CLIC5: variants seen among roughly 807,000 people sequenced by gnomAD.
CLIC5 encodes CLIC family member 5.
Under a neutral mutation model 24.7 loss-of-function variants are expected in CLIC5, and 20 were observed. The observed-to-expected ratio is 0.81, with a 90% CI of 0.57 to 1.18. The LOEUF (loss-of-function observed/expected upper bound fraction) is 1.18, where lower values mean the gene tolerates loss of function less well. Ranked by LOEUF, CLIC5 falls within the 50% of genes most tolerant of loss-of-function variation. The pLI, the probability that CLIC5 is intolerant of heterozygous loss-of-function variation, is 0.00. For synonymous variants in CLIC5, 159 were observed against 135.6 expected, an observed-to-expected ratio of 1.17 and a Z score of -1.20; for missense variants, 341 against 326.1, an observed-to-expected ratio of 1.05 and a Z score of -0.35.
intron 1 of CLIC5, among the ~76,000 whole-genome samples, chr6:46,021,088 C>CAAAA (rs61574485): frequency 7.0e-5 from 5 of 71,908 alleles, no homozygotes; most frequent in East Asian, 9.9e-4. Context: ...TTTTACAACT[C>CAAAA]AAAAAAAAAA....
chr6:46,033,119 C>T (rs1429261185), intron 1 of CLIC5, among the ~76,000 whole-genome samples: 3 of 151,106 alleles, frequency 2.0e-5, no homozygotes, highest in Admixed American at 6.6e-5. Context: ...CTCCTGAGTA[C>T]CTGGGACTAC....
chr6:46,074,139 T>A (rs1244706890), intron 1 of CLIC5, among the ~76,000 whole-genome samples: 1 of 152,196 alleles, frequency 6.6e-6, no homozygotes, highest in Admixed American at 6.5e-5. Flanking sequence ...CCACAATATA[T>A]GTATATTTAC....
intron 2 of CLIC5, 24 bp downstream of exon 2, chr6:45,955,111 C>T: frequency 6.4e-7 from 1 of 1,554,006 alleles, no homozygotes; most frequent in South Asian, 1.1e-5. Flanking sequence ...TAAACATACT[C>T]CTCATTTATG....
chr6:45,895,683 C>T (rs369611654), downstream of CLIC5, among the ~76,000 whole-genome samples: 1 of 152,132 alleles, frequency 6.6e-6, no homozygotes, highest in Non-Finnish European at 1.5e-5. Context: ...AGGTGAGGCA[C>T]GGCACAAAAA....
chr6:45,972,736 A>C (rs984689921), intron 1 of CLIC5, among the ~76,000 whole-genome samples: 7 of 152,248 alleles, frequency 4.6e-5, no homozygotes, highest in Non-Finnish European at 8.8e-5. Context: ...GCTGGTCTTC[A>C]GAACCTTTGC....
chr6:45,981,250 T>A (rs986186445), intron 1 of CLIC5, among the ~76,000 whole-genome samples: 1 of 152,072 alleles, frequency 6.6e-6, no homozygotes, highest in African/African-American at 2.4e-5. Flanking sequence ...ATTACAGGCA[T>A]GAGCCACCGC....
chr6:45,886,553 A>G (rs1422121923), intron 6 of CLIC5, among the ~76,000 whole-genome samples: 1 of 152,190 alleles, frequency 6.6e-6, no homozygotes, highest in Non-Finnish European at 1.5e-5. Context: ...GGGCAGGAGA[A>G]TGGGGCGTTT....
the CLIC5 span, among the ~76,000 whole-genome samples, chr6:46,107,130 T>C: frequency 6.6e-6 from 1 of 152,250 alleles, no homozygotes; most frequent in African/African-American, 2.4e-5. Flanking sequence ...TTAAAAGTTA[T>C]TGGTAAAATA....
the CLIC5 span, among the ~76,000 whole-genome samples, chr6:46,126,594 A>T: frequency 6.6e-6 from 1 of 152,360 alleles, no homozygotes; most frequent in South Asian, 2.1e-4. Context: ...AGTTTTCACC[A>T]AAGGAACTTT....
Position 45,958,121 on chromosome 6 carries a change from C to T in CLIC5, c.64-2877G>A, listed in dbSNP as rs1764707014. On this transcript the variant is annotated intron_variant, in intron 1 of 5. Transcript: ENST00000339561. The stretch of plus-strand genomic sequence containing the variant: ...AGGTCATATTGGATTAGAATGGGCT[C>T]TAAACATGACTGATGTCCTTACAAG... Among the ~76,000 whole-genome samples, 5 of 151,968 alleles carry T rather than the reference C, an allele frequency of 3.3e-5. No individual in the cohort carries two copies. The South Asian group carries it at 1.0e-3, about 32-fold the overall frequency.
chr6:46,021,199 T>G, intron 1 of CLIC5, among the ~76,000 whole-genome samples: 1 of 151,948 alleles, frequency 6.6e-6, no homozygotes. Context: ...TGCTCAACGT[T>G]CTTCAGTAGA....
chr6:45,881,049 C>G, exon 7 of CLIC5: 1 of 398,230 alleles, frequency 2.5e-6, no homozygotes, highest in Non-Finnish European at 4.4e-6. Context: ...TGCCTCAAAG[C>G]CAGTACAGAC....
intron 1 of CLIC5, among the ~76,000 whole-genome samples, chr6:46,067,302 T>C (rs1762469756): frequency 1.3e-5 from 2 of 151,824 alleles, no homozygotes; most frequent in South Asian, 4.2e-4. Context: ...GTCTGGTAAA[T>C]TGCCCTTTAA....
chr6:45,973,401 G>T (rs545491671), intron 1 of CLIC5, among the ~76,000 whole-genome samples: 15 of 152,138 alleles, frequency 9.9e-5, no homozygotes, highest in Admixed American at 2.0e-4. Context: ...AAAATAACTC[G>T]CTTGCAGCTA....
At chr6:45,977,469 T>C (rs1765423209) in intron 1 of CLIC5, among the ~76,000 whole-genome samples, 1 of 152,198 alleles carries the variant, frequency 6.6e-6, no homozygotes, top group Non-Finnish European at 1.5e-5. Flanking sequence ...AAAAAATGGA[T>C]ATGATACAAT....
chr6:46,119,282 T>C, the CLIC5 span, among the ~76,000 whole-genome samples: 2 of 152,246 alleles, frequency 1.3e-5, no homozygotes, highest in African/African-American at 4.8e-5. Flanking sequence ...TCCTGACTTC[T>C]TGCAGCTGAA....
At chr6:46,020,159 A>G (rs1481532947), upstream of CLIC5, among the ~76,000 whole-genome samples, 1 of 152,220 alleles carries the variant, frequency 6.6e-6, no homozygotes, top group African/African-American at 2.4e-5. Context: ...AACATTTACC[A>G]AAAGAGATCA....
intron 1 of CLIC5, among the ~76,000 whole-genome samples, chr6:45,978,367 G>A (rs1765455853): frequency 1.3e-5 from 2 of 152,058 alleles, no homozygotes; most frequent in South Asian, 4.2e-4. Flanking sequence ...TGATTCCTGA[G>A]CAGGAATCGT....
chr6:46,107,051 CATAA>C, the CLIC5 span, among the ~76,000 whole-genome samples: 3 of 152,208 alleles, frequency 2.0e-5, no homozygotes, highest in African/African-American at 7.2e-5. Context: ...AATGAGTGCT[CATAA>C]ATAACTAGCC....
Sources: gnomAD v4.1 joint callset for allele counts (sites outside exome capture counted in the v4.1 genomes callset) on GRCh38, gnomAD v4.1.1 for gene constraint, MANE v1.5 for transcripts, NCBI Gene and HGNC (gene_info 2026-07-23, HGNC 2026-07-21) for gene names.